SYT14: variants seen among roughly 807,000 people sequenced by gnomAD.
SYT14 encodes the protein synaptotagmin 14, also known as synaptotagmin-14.
Under a neutral mutation model 74.2 loss-of-function variants are expected in SYT14, and 32 were observed. That is an observed-to-expected ratio of 0.43 (90% CI 0.33 to 0.58). The LOEUF (loss-of-function observed/expected upper bound fraction) is 0.58, where lower values mean the gene tolerates loss of function less well. SYT14 is among the 20% of genes least tolerant of loss of function. The pLI is 0.05. For missense variants in SYT14, 791 were observed against 981.8 expected, an observed-to-expected ratio of 0.81 and a Z score of 2.60; for synonymous variants, 298 against 337.7, an observed-to-expected ratio of 0.88 and a Z score of 1.29.
chr1:209,959,512 A>G (rs1381787353), intron 2 of SYT14, among the ~76,000 whole-genome samples: 2 of 152,220 alleles, frequency 1.3e-5, no homozygotes, highest in Non-Finnish European at 2.9e-5. Context: ...AATGAATTAA[A>G]TAAAATGTGG....
intron 5 of SYT14, among the ~76,000 whole-genome samples, chr1:210,060,951 T>C (rs2081197401): frequency 6.6e-6 from 1 of 152,080 alleles, no homozygotes; most frequent in African/African-American, 2.4e-5. Context: ...CTTTGATTTA[T>C]CTACTCTGTC....
rs2080127700 is a variant in SYT14, at chr1:210,013,628, T to C, written c.-485-5T>C. ...GCTTACAGCTGTGACTTTTTTTTTC[T>C]CTAGTATCTCCAGAGGCAGTTGGAT... On this transcript the variant is annotated splice_region_variant and splice_polypyrimidine_tract_variant and intron_variant, in intron 2 of 9. Coordinates refer to ENST00000637265, the Ensembl canonical transcript of SYT14. 3 of 1,610,892 alleles carry C rather than the reference T, an allele frequency of 1.9e-6. No homozygotes were observed. Among genetic ancestry groups the C allele is most frequent in the Non-Finnish European group, 2.5e-6 (3 of 1,179,476 alleles).
intron 8 of SYT14, chr1:210,156,739 G>A: frequency 7.5e-6 from 1 of 132,910 alleles, no homozygotes; most frequent in East Asian, 2.1e-4. Context: ...TATCGCCTAG[G>A]CTGGAGTGCA....
intron 5 of SYT14, among the ~76,000 whole-genome samples, chr1:210,048,684 A>G (rs1046913276): frequency 2.0e-5 from 3 of 152,188 alleles, no homozygotes; most frequent in African/African-American, 7.2e-5. Flanking sequence ...CCCAAATCTC[A>G]TACCCTCACA....
chr1:210,026,089 T>C (rs976291928), intron 5 of SYT14, among the ~76,000 whole-genome samples: 59 of 152,166 alleles, frequency 3.9e-4, no homozygotes, highest in Non-Finnish European at 1.2e-4. Context: ...CATATTAATC[T>C]TCTGGGTTTT....
intron 5 of SYT14, among the ~76,000 whole-genome samples, chr1:210,028,848 A>G (rs978713193): frequency 3.3e-5 from 5 of 152,130 alleles, no homozygotes; most frequent in African/African-American, 1.2e-4. Context: ...GAACTGCCCT[A>G]CTGTTTTCCA....
chr1:210,118,886 A>G (rs2082407243), intron 7 of SYT14, among the ~76,000 whole-genome samples: 1 of 152,168 alleles, frequency 6.6e-6, no homozygotes, highest in South Asian at 2.1e-4. Context: ...AGCAAACAGA[A>G]GCAATGTTTT....
chr1:210,104,545 GC>G (rs888092909), intron 7 of SYT14, among the ~76,000 whole-genome samples: 1 of 152,062 alleles, frequency 6.6e-6, no homozygotes, highest in Non-Finnish European at 1.5e-5. Context: ...TATATACACA[GC>G]TTTGTTCAGA....
At chr1:210,005,866 G>GT (rs753514621) in intron 2 of SYT14, among the ~76,000 whole-genome samples, 11 of 151,968 alleles carry the variant, frequency 7.2e-5, no homozygotes, top group Non-Finnish European at 7.4e-5. Flanking sequence ...CTTAATAAAA[G>GT]TTTGGGTTTT....
Position 210,160,660 on chromosome 1 carries a change from A to G in SYT14, c.2282-69A>G. 5 of 1,327,642 alleles carry G rather than the reference A, an allele frequency of 3.8e-6. No homozygotes were observed. In the South Asian group the frequency reaches 6.3e-5, roughly 17 times the overall value. 82.2% of individuals were successfully genotyped at this position (1,327,642 alleles called of 1,614,324 possible). A position where few individuals can be genotyped will look rare whatever the true frequency, so the allele number is the denominator to read the frequency against. ...TAAAGTATAAATACTTAATTTTCTT[A>G]GCCTATAAAAAATTGTTTTGAGTTT... On this transcript the variant is annotated intron_variant, in intron 9 of 9. Transcript: ENST00000637265.
intron 2 of SYT14, chr1:209,953,388 G>A (rs2078942805): frequency 1.7e-6 from 1 of 574,264 alleles, no homozygotes; most frequent in African/African-American, 2.0e-5. Context: ...ATGAAGGAAA[G>A]ATATTCCTGG....
intron 7 of SYT14, among the ~76,000 whole-genome samples, chr1:210,104,468 C>T (rs187300867): frequency 6.6e-6 from 1 of 152,182 alleles, no homozygotes; most frequent in Non-Finnish European, 1.5e-5. Context: ...ATGCCAAACT[C>T]AGTAGCTAGA....
chr1:210,020,676 A>C (rs1245884797), intron 4 of SYT14, among the ~76,000 whole-genome samples: 2 of 152,212 alleles, frequency 1.3e-5, no homozygotes, highest in African/African-American at 4.8e-5. Flanking sequence ...CTTATACTTT[A>C]AAAAATGTAA....
intron 7 of SYT14, among the ~76,000 whole-genome samples, chr1:210,111,388 T>C (rs1325944253): frequency 5.3e-5 from 8 of 151,584 alleles, no homozygotes; most frequent in African/African-American, 2.0e-4. Context: ...TTCACTTCTT[T>C]TGTCATTCAG....
intron 7 of SYT14, among the ~76,000 whole-genome samples, chr1:210,106,560 C>T (rs1398145791): frequency 2.6e-5 from 4 of 152,084 alleles, no homozygotes; most frequent in South Asian, 4.2e-4. Flanking sequence ...CTCCACATGG[C>T]GGCAACAAGG....
intron 2 of SYT14, among the ~76,000 whole-genome samples, chr1:209,981,495 A>G (rs1222804350): frequency 8.3e-6 from 1 of 121,194 alleles, no homozygotes; most frequent in Non-Finnish European, 1.6e-5. Flanking sequence ...TCTGTTGCCC[A>G]AGCTAGAGAG....
intron 7 of SYT14, among the ~76,000 whole-genome samples, chr1:210,126,527 T>C (rs1468633680): frequency 6.6e-6 from 1 of 152,188 alleles, no homozygotes; most frequent in Non-Finnish European, 1.5e-5. Context: ...TTGTCTGGGA[T>C]TGTTGATAGA....
At chr1:210,071,585 T>A (rs1215160165) in intron 5 of SYT14, among the ~76,000 whole-genome samples, 2 of 152,000 alleles carry the variant, frequency 1.3e-5, no homozygotes, top group Non-Finnish European at 2.9e-5. Flanking sequence ...TTTAAAAGGA[T>A]AAGTCACAAA....
chr1:210,013,024 A>G (rs1196775061), intron 2 of SYT14, among the ~76,000 whole-genome samples: 3 of 150,248 alleles, frequency 2.0e-5, no homozygotes, highest in African/African-American at 7.3e-5. Context: ...CTTATTTTCA[A>G]ATTTTTGCAG....
Sources: gnomAD v4.1 joint callset for allele counts (sites outside exome capture counted in the v4.1 genomes callset) on GRCh38, gnomAD v4.1.1 for gene constraint, MANE v1.5 for transcripts, NCBI Gene and HGNC (gene_info 2026-07-23, HGNC 2026-07-21) for gene names.